PCDH15: variants seen among roughly 807,000 people sequenced by gnomAD.
The protein encoded by PCDH15 is protocadherin related 15.
A neutral mutation model predicts 178.5 loss-of-function variants in PCDH15; 129 were observed. The observed-to-expected ratio is 0.72, with a 90% CI of 0.63 to 0.84. The LOEUF is 0.84. Among genes scored for constraint, PCDH15 ranks in the 40% least tolerant of loss-of-function variants. The pLI is 0.00. For synonymous variants in PCDH15, 800 were observed against 732.0 expected (o/e 1.09, Z -1.50); for missense variants, 2,230 against 2,099.9 (o/e 1.06, Z -1.21).
At chr10:53,904,720 C>T (rs1392254876) in intron 25 of PCDH15, among the ~76,000 whole-genome samples, 1 of 152,068 alleles carries the variant, frequency 6.6e-6, no homozygotes, top group Non-Finnish European at 1.5e-5. Flanking sequence ...TAGTCAGCCA[C>T]CACAAATCAG....
intron 34 of PCDH15, 73 bp from the exon 35 acceptor site, chr10:53,816,350 A>G: frequency 2.5e-6 from 1 of 398,128 alleles, no homozygotes; most frequent in Non-Finnish European, 4.4e-6. Flanking sequence ...ATGATTGAGA[A>G]GAGAGGAAAA....
At position 55,238,341 on chromosome 10, in the gene PCDH15, G is replaced by A. The variant is rs1288326575; in HGVS notation, c.-155-71690C>T. On this transcript the variant is annotated intron_variant, in intron 1 of 5. Transcript: ENST00000458638. ...ATTTTCTTGTATTTTTAGTAGAGAC[G>A]GGGTTTCACCATGTTAGCCAGGATG... 5.3e-5 allele frequency among the ~76,000 whole-genome samples: 8 copies of A among 151,682 alleles called. No individual in the cohort carries two copies. In the East Asian group the frequency reaches 1.2e-3, roughly 22 times the overall value.
intron 2 of PCDH15, among the ~76,000 whole-genome samples, chr10:55,400,434 T>C (rs2132024057): frequency 6.6e-6 from 1 of 152,292 alleles, no homozygotes; most frequent in African/African-American, 2.4e-5. Flanking sequence ...GCATGCATTC[T>C]AACAGAGTGT....
chr10:54,717,459 C>T (rs1403938749), intron 1 of PCDH15, among the ~76,000 whole-genome samples: 1 of 145,484 alleles, frequency 6.9e-6, no homozygotes, highest in Non-Finnish European at 1.5e-5. Flanking sequence ...AGGACATGAA[C>T]AGACACTTCC....
intron 2 of PCDH15, among the ~76,000 whole-genome samples, chr10:54,588,210 T>G (rs2091633474): frequency 6.6e-6 from 1 of 152,160 alleles, no homozygotes; most frequent in African/African-American, 2.4e-5. Flanking sequence ...GAAATGACAC[T>G]AAATCAATTT....
At chr10:54,011,007 C>A (rs11594112) in intron 20 of PCDH15, among the ~76,000 whole-genome samples, 27,218 of 152,090 alleles carry the variant, frequency 0.18, 3,005 homozygotes, top group Non-Finnish European at 0.25. Flanking sequence ...TTTACTCACT[C>A]TTCCAGGAGG....
intron 20 of PCDH15, among the ~76,000 whole-genome samples, chr10:53,997,383 A>G (rs1443780579): frequency 6.6e-6 from 1 of 152,094 alleles, no homozygotes; most frequent in East Asian, 1.9e-4. Flanking sequence ...GTGCCAATTA[A>G]CTTAATAAGT....
chr10:54,676,927 T>C (rs1000877965), intron 1 of PCDH15, among the ~76,000 whole-genome samples: 10 of 152,208 alleles, frequency 6.6e-5, no homozygotes. Context: ...AACTCACTAA[T>C]GTGATGCCCA....
chr10:55,564,004 G>A (rs1000209317), intron 2 of PCDH15, among the ~76,000 whole-genome samples: 2 of 151,866 alleles, frequency 1.3e-5, no homozygotes, highest in South Asian at 2.1e-4. Flanking sequence ...AAAGGTAAAC[G>A]CATGGACAAT....
rs2087268423 is a variant in PCDH15 at position 53,953,289 on chromosome 10, G to A, written c.3122+6443C>T. On this transcript the variant is annotated intron_variant, in intron 23 of 37. Transcript: ENST00000644397. The stretch of plus-strand genomic sequence containing the variant: ...CAATTGATCATTAATGACAAATGAA[G>A]CACACAATGTCTTGATCCTCCATTT... 2.0e-5 allele frequency among the ~76,000 whole-genome samples: 3 copies of A among 152,244 alleles called. No individual in the cohort carries two copies. In the South Asian group the frequency reaches 6.2e-4, roughly 31 times the overall value.
At chr10:54,025,016 A>T (rs1350373003) in intron 18 of PCDH15, among the ~76,000 whole-genome samples, 1 of 152,170 alleles carries the variant, frequency 6.6e-6, no homozygotes, top group Non-Finnish European at 1.5e-5. Flanking sequence ...GATCAAAAAA[A>T]CTAATCATTT....
At chr10:54,097,826 C>G (rs2094727298) in intron 15 of PCDH15, among the ~76,000 whole-genome samples, 1 of 152,130 alleles carries the variant, frequency 6.6e-6, no homozygotes, top group Admixed American at 6.6e-5. Flanking sequence ...CCTGTTTTCA[C>G]TGGGAGGCAG....
intron 13 of PCDH15, among the ~76,000 whole-genome samples, chr10:54,171,276 G>T (rs1331984222): frequency 1.3e-5 from 2 of 152,064 alleles, no homozygotes; most frequent in Middle Eastern, 3.2e-3. Context: ...ATGGACTAAA[G>T]GTCTTTTAAA....
intron 28 of PCDH15, among the ~76,000 whole-genome samples, chr10:53,845,479 T>C (rs116058359): frequency 0.011 from 1,607 of 151,998 alleles, 32 homozygotes; most frequent in African/African-American, 0.036. Flanking sequence ...TCAACCAAAA[T>C]GTTTATCAAC....
At chr10:54,411,454 G>A (rs1017528369) in intron 3 of PCDH15, among the ~76,000 whole-genome samples, 4 of 152,180 alleles carry the variant, frequency 2.6e-5, no homozygotes, top group Non-Finnish European at 4.4e-5. Flanking sequence ...GACTCAGAAT[G>A]TGGGGTTTGA....
chr10:55,559,779 C>G lies in PCDH15; in HGVS notation c.-156+67846G>C, dbSNP rs115023416. Among the ~76,000 whole-genome samples, 1,129 of 151,978 alleles carry G rather than the reference C, an allele frequency of 7.4e-3. 16 individuals are homozygous for G. Among genetic ancestry groups the G allele is most frequent in the African/African-American group, 0.026 (1,092 of 41,508 alleles). On this transcript the variant is annotated intron_variant, in intron 2 of 5. Transcript: ENST00000613346. ...CACATGTAGATGTGAAAGTGTGCAT[C>G]TCCTCTCAACACAGCTTTCTTCAGT... is the stretch of plus-strand genomic sequence containing the variant.
intron 2 of PCDH15, among the ~76,000 whole-genome samples, chr10:55,476,317 T>C (rs116277399): frequency 0.022 from 3,360 of 152,062 alleles, 132 homozygotes; most frequent in African/African-American, 0.076. Context: ...GGACAGAGTT[T>C]AAAAAAGCAT....
chr10:54,202,298 G>A (rs118054933), intron 10 of PCDH15, among the ~76,000 whole-genome samples: 3,054 of 151,158 alleles, frequency 0.02, 48 homozygotes, highest in Middle Eastern at 0.082. Context: ...GCCAATTTTC[G>A]CAAACATTAG....
intron 1 of PCDH15, among the ~76,000 whole-genome samples, chr10:55,270,338 A>G (rs1252466132): frequency 6.6e-6 from 1 of 152,142 alleles, no homozygotes; most frequent in African/African-American, 2.4e-5. Flanking sequence ...AATATCATAC[A>G]GTAGACCGAC....
Sources: gnomAD v4.1 joint callset for allele counts (sites outside exome capture counted in the v4.1 genomes callset) on GRCh38, gnomAD v4.1.1 for gene constraint, MANE v1.5 for transcripts, NCBI Gene and HGNC (gene_info 2026-07-23, HGNC 2026-07-21) for gene names.